MX2: variants seen among roughly 807,000 people sequenced by gnomAD.
The protein encoded by MX2 is MX dynamin like GTPase 2.
MX2 carries 51 observed loss-of-function variants against 74.0 expected under a neutral mutation model. The observed-to-expected ratio is 0.69, with a 90% CI of 0.55 to 0.87. The LOEUF is 0.87. Among genes scored for constraint, MX2 ranks in the 40% least tolerant of loss-of-function variants. The pLI is 0.00. For missense variants in MX2, 832 were observed against 908.7 expected (o/e 0.92, Z 1.09); for synonymous variants, 369 against 339.3 (o/e 1.09, Z -0.96).
At chr21:41,376,722 A>C in intron 1 of MX2, 114 bp from the exon 2 acceptor site, 1 of 736,410 alleles carries the variant, frequency 1.4e-6, no homozygotes, top group Non-Finnish European at 2.2e-6. Context: ...TGGTCTCTGC[A>C]TCTGTGTGTA....
chr21:41,390,840 C>T (rs1431475320), intron 6 of MX2, 137 bp downstream of exon 6: 2 of 963,330 alleles, frequency 2.1e-6, no homozygotes, highest in Non-Finnish European at 3.0e-6. Context: ...CTCGTCTCCA[C>T]TAAAAATACA....
chr21:41,401,686 T>TG (rs1163363158), intron 10 of MX2: 2 of 72,548 alleles, frequency 2.8e-5, no homozygotes, highest in African/African-American at 4.5e-4. Flanking sequence ...TCTAATCAGG[T>TG]TTTTTTTTTT....
chr21:41,385,132 A>G (rs1359606175), intron 5 of MX2, among the ~76,000 whole-genome samples: 1 of 152,130 alleles, frequency 6.6e-6, no homozygotes, highest in East Asian at 1.9e-4. Context: ...TCTTTCAAGA[A>G]TTTTTCCTTT....
chr21:41,389,521 A>C (rs947736158), intron 5 of MX2: 1 of 152,230 alleles, frequency 6.6e-6, no homozygotes, highest in East Asian at 1.9e-4. Flanking sequence ...ACCATGTCTC[A>C]GTAAGTACAT....
intron 5 of MX2, among the ~76,000 whole-genome samples, chr21:41,386,597 TCTCTC>T (rs1267094651): frequency 6.6e-6 from 1 of 152,148 alleles, no homozygotes; most frequent in Non-Finnish European, 1.5e-5. Context: ...GTCCTAGACC[TCTCTC>T]CTGCAGATCG....
intron 6 of MX2, among the ~76,000 whole-genome samples, chr21:41,391,544 G>A (rs1419888261): frequency 1.3e-5 from 2 of 151,904 alleles, no homozygotes; most frequent in Non-Finnish European, 2.9e-5. Context: ...CATCACGCCT[G>A]GCTAATTTTG....
In MX2 at chr21:41,406,636, A is replaced by G. The variant is rs908695708; in HGVS notation, c.1651-108A>G. 4.4e-6 allele frequency: 5 copies of G among 1,145,666 alleles called. No individual in the cohort carries two copies. In the Admixed American group the frequency reaches 1.1e-4, roughly 25 times the overall value. 71.0% of individuals were successfully genotyped at this position (1,145,666 alleles called of 1,614,324 possible). A position where few individuals can be genotyped will look rare whatever the true frequency, so the allele number is the denominator to read the frequency against. On this transcript the variant is annotated intron_variant, in intron 12 of 13. Transcript: ENST00000330714. ...TTCAAGTCTCAGGACTTCTTTGACT[A>G]TGGATTCGTTTTATTTCTGAGTTCA...
chr21:41,386,082 C>T (rs2089569231), intron 5 of MX2, among the ~76,000 whole-genome samples: 1 of 151,744 alleles, frequency 6.6e-6, no homozygotes, highest in South Asian at 2.1e-4. Flanking sequence ...GGGTAGATCA[C>T]CTGAGGTCAG....
intron 6 of MX2, among the ~76,000 whole-genome samples, chr21:41,393,128 A>AG (rs1555877681): frequency 3.6e-5 from 5 of 139,934 alleles, no homozygotes; most frequent in African/African-American, 6.1e-5. Flanking sequence ...AAAAAAAAAA[A>AG]AAAGAAAGAA....
chr21:41,381,063 C>A (rs2089483474), intron 4 of MX2, among the ~76,000 whole-genome samples: 1 of 152,238 alleles, frequency 6.6e-6, no homozygotes, highest in African/African-American at 2.4e-5. Context: ...TCCCACAGAA[C>A]CCCTGTCTGC....
intron 2 of MX2, 62 bp downstream of exon 2, chr21:41,377,217 C>T: frequency 6.3e-7 from 1 of 1,589,568 alleles, no homozygotes; most frequent in South Asian, 1.1e-5. Flanking sequence ...AGAGGGCTGT[C>T]ATGTAAGCCC....
At chr21:41,379,415 G>A (rs60112080) in intron 3 of MX2, among the ~76,000 whole-genome samples, 6,660 of 152,218 alleles carry the variant, frequency 0.044, 178 homozygotes, top group Middle Eastern at 0.13. Flanking sequence ...CAGTAGCATC[G>A]GAGGATCCTG....
At chr21:41,377,244 C>A in intron 2 of MX2, 89 bp downstream of exon 2, 1 of 1,540,700 alleles carries the variant, frequency 6.5e-7, no homozygotes. Flanking sequence ...ATAATAGAAC[C>A]AGCCAGTCTG....
chr21:41,362,953 C>T (rs2089229538), intron 1 of MX2, among the ~76,000 whole-genome samples: 1 of 151,658 alleles, frequency 6.6e-6, no homozygotes, highest in Admixed American at 6.6e-5. Context: ...GAGACAGGGG[C>T]TCTCTATGTT....
Position 41,380,077 on chromosome 21 carries a change from C to G in MX2, c.503C>G (p.Ala168Gly). ...AAAAAGCAGCCCTGTGAGGCATGGG[C>G]CGGAAGGATCAGCTACCGGAACACC... ...KLKKQPCEAW[A>G]GRISYRNTEL... is the part of the protein sequence containing the mutation. The change falls in exon 4 of 14, where the codon GCC becomes GGC. Residue 168 changes from alanine to glycine, a missense_variant. Transcript: ENST00000330714. The surrounding 1 kb of genome is among the most constrained non-coding windows in gnomAD (Gnocchi z 4.3). The G allele has an allele frequency of 6.2e-7, 1 of 1,614,034 alleles. No homozygotes were observed. Among genetic ancestry groups the G allele is most frequent in the Non-Finnish European group, 8.5e-7 (1 of 1,179,918 alleles).
chr21:41,386,256 TGCAAAGCACAATAAA>T (rs2089576100), intron 5 of MX2, among the ~76,000 whole-genome samples: 1 of 133,570 alleles, frequency 7.5e-6, no homozygotes, highest in Non-Finnish European at 1.6e-5. Flanking sequence ...AAAACAAATC[TGCAAAGCACAATAAA>T]GCGAAGCACA....
intron 7 of MX2, among the ~76,000 whole-genome samples, chr21:41,396,636 C>CA (rs1601425636): frequency 6.6e-6 from 1 of 152,194 alleles, no homozygotes; most frequent in Non-Finnish European, 1.5e-5. Context: ...ACACGACATA[C>CA]ACAAAGGTCT....
chr21:41,407,663 T>A (rs1032506246), intron 13 of MX2, among the ~76,000 whole-genome samples: 1 of 152,170 alleles, frequency 6.6e-6, no homozygotes, highest in East Asian at 1.9e-4. Context: ...ACGGCCCTGG[T>A]GCATACCCAG....
chr21:41,403,249 TTTGC>T lies in MX2; in HGVS notation c.1574-15_1574-12del, dbSNP rs759702580. The stretch of plus-strand genomic sequence containing the variant: ...CTGATGTTTTCTTCTTCTTCTCCTT[TTTGC>T]TTTTTTTGGTCAGAAATTATCCAGC... On this transcript the variant is annotated splice_polypyrimidine_tract_variant and intron_variant, in intron 11 of 13. Coordinates refer to ENST00000330714, the MANE Select transcript of MX2 (RefSeq NM_002463.2). The T allele has an allele frequency of 9.5e-5, 143 of 1,504,910 alleles. 1 individual carries two copies. The highest frequency in any genetic ancestry group is 1.2e-4 in the Non-Finnish European group (138 of 1,114,076). 93.2% of individuals were successfully genotyped at this position (1,504,910 alleles called of 1,614,324 possible). A position where few individuals can be genotyped will look rare whatever the true frequency, so the allele number is the denominator to read the frequency against.
Sources: gnomAD v4.1 joint callset for allele counts (sites outside exome capture counted in the v4.1 genomes callset) on GRCh38, gnomAD v4.1.1 for gene constraint, Gnocchi (gnomAD v3.1) non-coding constraint, MANE v1.5 for transcripts, NCBI Gene and HGNC (gene_info 2026-07-23, HGNC 2026-07-21) for gene names.